RABGAP1L: variants seen among roughly 807,000 people sequenced by gnomAD.
RABGAP1L encodes the protein rab GTPase-activating protein 1-like.
RABGAP1L carries 63 observed loss-of-function variants against 137.7 expected under a neutral mutation model. That is an observed-to-expected ratio of 0.46 (90% confidence interval 0.37 to 0.56). The LOEUF (loss-of-function observed/expected upper bound fraction) is 0.56. Ranked by LOEUF, RABGAP1L falls within the 20% of genes least tolerant of loss-of-function variation. The probability of loss-of-function intolerance (pLI) is 0.00; values close to 1 mark genes in which losing one functional copy is unlikely to be tolerated. For missense variants in RABGAP1L, 1,095 were observed against 1,244.0 expected (o/e 0.88, Z 1.80); for synonymous variants, 431 against 433.7 (o/e 0.99, Z 0.08).
intron 13 of RABGAP1L, among the ~76,000 whole-genome samples, chr1:174,471,318 A>G (rs758567379): frequency 2.0e-5 from 3 of 152,208 alleles, no homozygotes; most frequent in Non-Finnish European, 4.4e-5. Context: ...CAGGCTGGTG[A>G]TACAATGATG....
chr1:174,301,265 C>G (rs899536507), intron 10 of RABGAP1L, among the ~76,000 whole-genome samples: 1 of 151,726 alleles, frequency 6.6e-6, no homozygotes. Context: ...ATAGAGGACA[C>G]AGCACCCAGG....
chr1:174,308,798 A>C (rs570131691), intron 11 of RABGAP1L, among the ~76,000 whole-genome samples: 2 of 152,096 alleles, frequency 1.3e-5, no homozygotes, highest in Non-Finnish European at 2.9e-5. Context: ...TTTTGAAGTC[A>C]GATAGTGTAA....
intron 13 of RABGAP1L, among the ~76,000 whole-genome samples, chr1:174,547,635 A>G (rs981871362): frequency 6.6e-6 from 1 of 152,116 alleles, no homozygotes; most frequent in African/African-American, 2.4e-5. Flanking sequence ...GAAGAAAAGA[A>G]ATATATCTTA....
chr1:174,461,959 T>G (rs1656738551), intron 13 of RABGAP1L, among the ~76,000 whole-genome samples: 1 of 152,142 alleles, frequency 6.6e-6, no homozygotes, highest in African/African-American at 2.4e-5. Flanking sequence ...TGAATATATT[T>G]TTGGCTTATT....
intron 11 of RABGAP1L, 135 bp from the exon 12 acceptor site, chr1:174,370,843 TA>T (rs1685059072): frequency 2.5e-6 from 1 of 406,524 alleles, no homozygotes; most frequent in Admixed American, 4.2e-5. Context: ...TTCTTACTGT[TA>T]TTTTTGCAAT....
chr1:174,505,941 T>A (rs941015325), intron 13 of RABGAP1L, among the ~76,000 whole-genome samples: 1 of 152,172 alleles, frequency 6.6e-6, no homozygotes, highest in Non-Finnish European at 1.5e-5. Context: ...TGTGAATACA[T>A]AATGGAATAC....
chr1:174,682,147 G>C (rs761886269), intron 14 of RABGAP1L, among the ~76,000 whole-genome samples: 3 of 151,970 alleles, frequency 2.0e-5, no homozygotes, highest in African/African-American at 7.3e-5. Flanking sequence ...TGGGTGTGGT[G>C]GTGGGCCCTT....
chr1:174,466,084 T>C (rs1657265029), intron 13 of RABGAP1L, among the ~76,000 whole-genome samples: 1 of 152,204 alleles, frequency 6.6e-6, no homozygotes, highest in Admixed American at 6.5e-5. Context: ...TAATCAGCTG[T>C]TCCAACAACA....
At chr1:174,825,756 C>T (rs895383438) in intron 19 of RABGAP1L, among the ~76,000 whole-genome samples, 1 of 152,120 alleles carries the variant, frequency 6.6e-6, no homozygotes, top group African/African-American at 2.4e-5. Flanking sequence ...GTGGCGCATG[C>T]CTGTAATCCC....
At chr1:174,202,637 C>T in intron 1 of RABGAP1L, among the ~76,000 whole-genome samples, 1 of 152,190 alleles carries the variant, frequency 6.6e-6, no homozygotes, top group Non-Finnish European at 1.5e-5. Context: ...TTTTGCTGTG[C>T]AGTAGCTCTT....
At chr1:174,390,617 G>A (rs931035278) in intron 12 of RABGAP1L, among the ~76,000 whole-genome samples, 2 of 152,198 alleles carry the variant, frequency 1.3e-5, no homozygotes, top group Admixed American at 6.5e-5. Context: ...AGTAGGTCCA[G>A]TGAATGTTAG....
In RABGAP1L at chr1:174,732,876, T is replaced by C. The variant is rs370283647; in HGVS notation, c.2170-19437T>C. Among the ~76,000 whole-genome samples the C allele has an allele frequency of 5.3e-5, 8 of 152,324 alleles. No individual in the cohort carries two copies. The East Asian group carries it at 1.3e-3, about 26-fold the overall frequency. ...AGACTCTGTCCTGTTTAGTGATATT[T>C]CATGGTCTATTTAATAAACTGTTTG... On this transcript the variant is annotated intron_variant, in intron 17 of 25. Transcript: ENST00000681986.
At position 174,448,565 on chromosome 1, in the gene RABGAP1L, C is replaced by T. The variant is rs758577089; in HGVS notation, c.1710+54420C>T. The T allele has an allele frequency of 1.9e-6, 3 of 1,613,686 alleles. No individual in the cohort carries two copies. The highest frequency in any genetic ancestry group is 2.2e-5 in the South Asian group (2 of 91,062). On this transcript the variant is annotated intron_variant, in intron 13 of 25. Transcript: ENST00000681986. The surrounding 1 kb of genome is among the most constrained non-coding windows in gnomAD (Gnocchi z 4.2). Reference sequence around the variant, plus strand: ...AACCAAGCCTCTTTCCTACAATCAACTGGTCACCCCTTGTCGCTTGAGAAT... The same window carrying T: ...AACCAAGCCTCTTTCCTACAATCAATTGGTCACCCCTTGTCGCTTGAGAAT...
At chr1:174,612,526 T>C (rs1671360227) in intron 13 of RABGAP1L, among the ~76,000 whole-genome samples, 1 of 152,190 alleles carries the variant, frequency 6.6e-6, no homozygotes, top group African/African-American at 2.4e-5. Flanking sequence ...TCTTTTTTGG[T>C]TGTGTCTCTG....
At chr1:174,745,573 A>G (rs1393259074) in intron 17 of RABGAP1L, among the ~76,000 whole-genome samples, 3 of 152,226 alleles carry the variant, frequency 2.0e-5, no homozygotes, top group Non-Finnish European at 4.4e-5. Flanking sequence ...GCCTGGCTTT[A>G]CCATTTACTA....
chr1:174,808,828 T>A (rs898326515), intron 18 of RABGAP1L, among the ~76,000 whole-genome samples: 16 of 152,132 alleles, frequency 1.1e-4, no homozygotes, highest in East Asian at 3.9e-4. Context: ...TAATTTTTTT[T>A]ATATTTTTAG....
At chr1:174,189,261 TCCCAAAGCACTAGGATTACAGGCGTGAG>T (rs1558015618) in intron 1 of RABGAP1L, among the ~76,000 whole-genome samples, 1 of 152,130 alleles carries the variant, frequency 6.6e-6, no homozygotes, top group Non-Finnish European at 1.5e-5. Context: ...CACCTCTGCC[TCCCAAAGCACTAGGATTACAGGCGTGAG>T]CCACGACGCC....
intron 19 of RABGAP1L, among the ~76,000 whole-genome samples, chr1:174,862,340 A>G (rs1393398758): frequency 6.6e-6 from 1 of 152,100 alleles, no homozygotes; most frequent in African/African-American, 2.4e-5. Flanking sequence ...GGTGTGACAT[A>G]CCCTGAAACT....
chr1:174,295,780 A>G (rs1677077862), intron 10 of RABGAP1L, among the ~76,000 whole-genome samples: 1 of 151,914 alleles, frequency 6.6e-6, no homozygotes, highest in Non-Finnish European at 1.5e-5. Flanking sequence ...TGGCCTCTCA[A>G]AGTCCTGGGA....
Sources: allele counts gnomAD v4.1 joint callset (sites outside exome capture counted in the v4.1 genomes callset), GRCh38; gene constraint gnomAD v4.1.1; non-coding constraint Gnocchi (gnomAD v3.1); transcripts MANE v1.5; gene names NCBI Gene and HGNC (gene_info 2026-07-23, HGNC 2026-07-21).